Variants in RBFOX1 observed in about 807,000 individuals in gnomAD.
RBFOX1 encodes the protein RNA binding fox-1 homolog 1.
Under a neutral mutation model 57.7 loss-of-function variants are expected in RBFOX1, and 8 were observed. The observed-to-expected ratio is 0.14, with a 90% CI of 0.08 to 0.25. The LOEUF is 0.25. Among genes scored for constraint, RBFOX1 ranks in the 10% least tolerant of loss-of-function variants. The pLI is 1.00. For synonymous variants in RBFOX1, 326 were observed against 222.4 expected, an observed-to-expected ratio of 1.47 and a Z score of -4.15; for missense variants, 611 against 548.5, an observed-to-expected ratio of 1.11 and a Z score of -1.14.
intron 3 of RBFOX1, among the ~76,000 whole-genome samples, chr16:6,833,592 C>T (rs555713987): frequency 6.6e-6 from 1 of 152,180 alleles, no homozygotes; most frequent in Admixed American, 6.5e-5. Flanking sequence ...ACTTATACAC[C>T]TGTTAGTATG....
chr16:6,955,456 T>C (rs2081596698), intron 3 of RBFOX1, among the ~76,000 whole-genome samples: 1 of 152,024 alleles, frequency 6.6e-6, no homozygotes, highest in Non-Finnish European at 1.5e-5. Context: ...TTCCACTGGT[T>C]AGAAGTACTT....
chr16:6,976,956 ATATT>A (rs2087090651), intron 3 of RBFOX1, among the ~76,000 whole-genome samples: 1 of 147,364 alleles, frequency 6.8e-6, no homozygotes, highest in Admixed American at 6.9e-5. Flanking sequence ...TATATCATAT[ATATT>A]AAATATCCTA....
At chr16:7,261,671 G>C (rs1320917505) in intron 4 of RBFOX1, among the ~76,000 whole-genome samples, 2 of 152,186 alleles carry the variant, frequency 1.3e-5, no homozygotes, top group Non-Finnish European at 2.9e-5. Flanking sequence ...GTGTCTGACA[G>C]GATGCCAGTC....
At chr16:5,970,042 G>C (rs546416183) in intron 4 of RBFOX1, among the ~76,000 whole-genome samples, 18 of 152,194 alleles carry the variant, frequency 1.2e-4, no homozygotes, top group African/African-American at 4.3e-4. Context: ...GCTGTCTTCA[G>C]ATTGGCACTC....
At chr16:5,610,940 C>T (rs548255273) in intron 3 of RBFOX1, among the ~76,000 whole-genome samples, 1 of 152,130 alleles carries the variant, frequency 6.6e-6, no homozygotes, top group Non-Finnish European at 1.5e-5. Context: ...TTTTAACACT[C>T]AAGTTGTGGG....
intron 1 of RBFOX1, among the ~76,000 whole-genome samples, chr16:6,153,932 C>G: frequency 6.6e-6 from 1 of 152,122 alleles, no homozygotes; most frequent in East Asian, 1.9e-4. Context: ...GGTAAGGTGA[C>G]CTCGTTCTAA....
At chr16:6,622,338 T>G (rs2098244929) in intron 2 of RBFOX1, among the ~76,000 whole-genome samples, 1 of 152,158 alleles carries the variant, frequency 6.6e-6, no homozygotes, top group Non-Finnish European at 1.5e-5. Flanking sequence ...TCTTTTATAT[T>G]TTTATCGTAC....
At chr16:7,170,009 G>C (rs2080365173) in intron 4 of RBFOX1, among the ~76,000 whole-genome samples, 3 of 152,150 alleles carry the variant, frequency 2.0e-5, no homozygotes, top group Admixed American at 2.0e-4. Context: ...GGGAGGCAGA[G>C]GTTGCAGTGA....
chr16:7,160,940 A>AC (rs752191328), intron 4 of RBFOX1, among the ~76,000 whole-genome samples: 1 of 152,082 alleles, frequency 6.6e-6, no homozygotes, highest in Non-Finnish European at 1.5e-5. Context: ...TGTAGCTAAT[A>AC]CCACATTTAT....
chr16:7,493,638 T>C (rs1486850346), intron 4 of RBFOX1, among the ~76,000 whole-genome samples: 4 of 152,110 alleles, frequency 2.6e-5, no homozygotes, highest in African/African-American at 4.8e-5. Context: ...GTAATGCATT[T>C]TGAAGTTGGA....
intron 4 of RBFOX1, among the ~76,000 whole-genome samples, chr16:5,944,972 A>AG (rs2059368538): frequency 7.6e-6 from 1 of 131,310 alleles, no homozygotes; most frequent in African/African-American, 2.8e-5. Context: ...CATAAAAAAA[A>AG]AAAAAAAAAA....
At position 7,064,250 on chromosome 16, in the gene RBFOX1, C is replaced by A. The variant is rs570222440; in HGVS notation, c.27+12152C>A. ...GTGGCGTGATCTCTGCTCACTGCAA[C>A]TTCCGCCTCCCAGGTTCAAGTAATT... is the stretch of plus-strand genomic sequence containing the variant. On this transcript the variant is annotated intron_variant, in intron 4 of 15. Transcript: ENST00000550418. Among the ~76,000 whole-genome samples, 101 of 141,658 alleles carry A rather than the reference C, an allele frequency of 7.1e-4. 2 individuals carry two copies. The highest frequency in any genetic ancestry group is 2.5e-3 in the African/African-American group (94 of 37,962). 92.9% of individuals were successfully genotyped at this position (141,658 alleles called of 152,430 possible). A position where few individuals can be genotyped will look rare whatever the true frequency, so the allele number is the denominator to read the frequency against.
At chr16:5,914,102 T>C (rs1002931880) in intron 4 of RBFOX1, among the ~76,000 whole-genome samples, 1 of 152,200 alleles carries the variant, frequency 6.6e-6, no homozygotes, top group Non-Finnish European at 1.5e-5. Context: ...ACTTTCAAGC[T>C]GTGTTGTCTC....
intron 14 of RBFOX1, among the ~76,000 whole-genome samples, chr16:7,686,805 C>G (rs1355745364): frequency 6.6e-6 from 1 of 152,008 alleles, no homozygotes; most frequent in Non-Finnish European, 1.5e-5. Context: ...TGAGCCTAGA[C>G]AAGAAGTGCA....
At chr16:5,558,691 G>C (rs924901073) in intron 2 of RBFOX1, among the ~76,000 whole-genome samples, 1 of 152,126 alleles carries the variant, frequency 6.6e-6, no homozygotes, top group Non-Finnish European at 1.5e-5. Flanking sequence ...AGTCTTGTGT[G>C]GGGTGGGACC....
chr16:7,130,379 T>G (rs926958923), intron 4 of RBFOX1, among the ~76,000 whole-genome samples: 1 of 152,134 alleles, frequency 6.6e-6, no homozygotes, highest in Non-Finnish European at 1.5e-5. Context: ...GTTAAGTGTT[T>G]GTCCATTGTG....
At chr16:6,414,226 AG>A (rs1411267666) in intron 2 of RBFOX1, among the ~76,000 whole-genome samples, 1 of 152,246 alleles carries the variant, frequency 6.6e-6, no homozygotes, top group Non-Finnish European at 1.5e-5. Context: ...GGATGAAAGC[AG>A]TGTTTCTAAT....
chr16:6,410,449 C>G (rs1285815704), intron 2 of RBFOX1, among the ~76,000 whole-genome samples: 2 of 151,520 alleles, frequency 1.3e-5, no homozygotes, highest in African/African-American at 4.9e-5. Flanking sequence ...GTAGCTGGGA[C>G]TACAGGCGCC....
intron 3 of RBFOX1, among the ~76,000 whole-genome samples, chr16:5,780,149 C>T (rs888575675): frequency 2.6e-5 from 4 of 152,224 alleles, no homozygotes; most frequent in Non-Finnish European, 5.9e-5. Flanking sequence ...ACTACAAGTG[C>T]GTGACACCAG....
Sources: allele counts gnomAD v4.1 joint callset (sites outside exome capture counted in the v4.1 genomes callset), GRCh38; gene constraint gnomAD v4.1.1; transcripts MANE v1.5; gene names NCBI Gene and HGNC (gene_info 2026-07-23, HGNC 2026-07-21).